The following AFF1 variants were observed in gnomAD, a reference collection of about 807,000 sequenced individuals.
The protein encoded by AFF1 is ALF transcription elongation factor 1.
In AFF1, 48 loss-of-function variants were observed where a neutral mutation model predicts 121.7. The observed-to-expected ratio is 0.39, with a 90% CI of 0.31 to 0.50. The LOEUF (loss-of-function observed/expected upper bound fraction) is 0.50. Among genes scored for constraint, AFF1 ranks in the 20% least tolerant of loss-of-function variants. The pLI, the probability that AFF1 is intolerant of heterozygous loss-of-function variation, is 0.76. For synonymous variants in AFF1, 613 were observed against 563.0 expected (o/e 1.09, Z -1.26); for missense variants, 1,523 against 1,511.7 (o/e 1.01, Z -0.12).
chr4:86,959,945 G>T (rs1560502672), intron 2 of AFF1, among the ~76,000 whole-genome samples: 2 of 152,134 alleles, frequency 1.3e-5, no homozygotes, highest in African/African-American at 4.8e-5. Context: ...CTAACTGGGG[G>T]CCAGGGCCTC....
intron 4 of AFF1, among the ~76,000 whole-genome samples, chr4:87,057,833 G>T (rs1321814771): frequency 6.6e-6 from 1 of 152,086 alleles, no homozygotes; most frequent in Non-Finnish European, 1.5e-5. Context: ...TTCCTTAGGG[G>T]TTATCAAGCT....
At chr4:86,998,840 T>G (rs1725459968) in intron 2 of AFF1, among the ~76,000 whole-genome samples, 1 of 152,154 alleles carries the variant, frequency 6.6e-6, no homozygotes, top group South Asian at 2.1e-4. Flanking sequence ...TAAAGTGAGC[T>G]CTTCCCACTC....
intron 6 of AFF1, among the ~76,000 whole-genome samples, chr4:87,090,778 C>T (rs1342332135): frequency 1.3e-5 from 2 of 151,946 alleles, no homozygotes; most frequent in Non-Finnish European, 2.9e-5. Flanking sequence ...CTTTGGGAGG[C>T]CGAGGTGGGT....
At chr4:87,102,743 A>G (rs1031316298) in intron 8 of AFF1, among the ~76,000 whole-genome samples, 1 of 152,220 alleles carries the variant, frequency 6.6e-6, no homozygotes, top group Non-Finnish European at 1.5e-5. Flanking sequence ...GAAGAAGCAT[A>G]TCCATTGAGC....
At chr4:87,113,988 T>TC (rs1377535377) in intron 11 of AFF1, among the ~76,000 whole-genome samples, 14 of 152,370 alleles carry the variant, frequency 9.2e-5, no homozygotes, top group Admixed American at 1.3e-4. Context: ...CTGCAAATAC[T>TC]TGATGAAATG....
chr4:86,962,670 T>A (rs905689400), intron 2 of AFF1, among the ~76,000 whole-genome samples: 2 of 152,160 alleles, frequency 1.3e-5, no homozygotes, highest in Non-Finnish European at 2.9e-5. Context: ...GCACTGTATG[T>A]GAACTGTATA....
chr4:86,972,187 T>G (rs1722996918), intron 2 of AFF1, among the ~76,000 whole-genome samples: 1 of 150,856 alleles, frequency 6.6e-6, no homozygotes. Context: ...AGCAGGCATT[T>G]TATGCTTAAG....
At chr4:87,052,369 T>C (rs1731353503) in intron 4 of AFF1, among the ~76,000 whole-genome samples, 1 of 152,118 alleles carries the variant, frequency 6.6e-6, no homozygotes, top group Non-Finnish European at 1.5e-5. Flanking sequence ...GTTGAGATAC[T>C]GCCACTGAAC....
chr4:87,116,704 C>T (rs1328844823), intron 12 of AFF1, among the ~76,000 whole-genome samples: 1 of 152,178 alleles, frequency 6.6e-6, no homozygotes, highest in Non-Finnish European at 1.5e-5. Context: ...TGTGTATTGC[C>T]GCCATGTTTG....
chr4:87,003,719 T>C (rs777212187), intron 2 of AFF1, among the ~76,000 whole-genome samples: 24 of 152,212 alleles, frequency 1.6e-4, no homozygotes, highest in Admixed American at 2.0e-4. Flanking sequence ...AATTTGTTTA[T>C]AGCATAAATG....
Position 87,042,369 on chromosome 4 carries a change from G to A in AFF1, c.39-3797G>A, listed in dbSNP as rs1730247566. Among the ~76,000 whole-genome samples the A allele has an allele frequency of 4.6e-5, 7 of 152,178 alleles. No individual in the cohort carries two copies. In the South Asian group the frequency reaches 1.4e-3, roughly 31 times the overall value. On this transcript the variant is annotated intron_variant, in intron 2 of 20. Transcript: ENST00000395146. ...CAATTTAGTTGCAAGGAGAAAGGAG[G>A]CAACCCAGAGCAGGGGCTCAAAGCC...
intron 1 of AFF1, among the ~76,000 whole-genome samples, chr4:86,945,644 G>T (rs940904603): frequency 9.9e-5 from 15 of 151,514 alleles, no homozygotes; most frequent in African/African-American, 3.6e-4. Flanking sequence ...AGGACTACAG[G>T]CATGTGCCAC....
intron 2 of AFF1, among the ~76,000 whole-genome samples, chr4:87,008,499 C>T (rs1239574925): frequency 6.6e-6 from 1 of 152,090 alleles, no homozygotes; most frequent in African/African-American, 2.4e-5. Flanking sequence ...GTGGTTTATC[C>T]TCTGCTTCCA....
At chr4:86,983,516 C>T (rs991169666) in intron 2 of AFF1, among the ~76,000 whole-genome samples, 13 of 150,828 alleles carry the variant, frequency 8.6e-5, no homozygotes, top group Admixed American at 6.6e-4. Flanking sequence ...GCAACAAGAG[C>T]GAGACTGTGT....
chr4:87,006,527 T>G lies in AFF1; in HGVS notation c.39-39639T>G, dbSNP rs1325619227. ...GCGGGCTGTTTTGTAAATATTTGTC[T>G]CTATGTAAGGAAATCAAAACTGAAA... On this transcript the variant is annotated intron_variant, in intron 2 of 20. Coordinates refer to ENST00000395146, the MANE Select transcript of AFF1 (RefSeq NM_001166693.3). 4.6e-5 allele frequency among the ~76,000 whole-genome samples: 7 copies of G among 152,334 alleles called. No individual in the cohort carries two copies. In the East Asian group the frequency reaches 1.3e-3, roughly 29 times the overall value.
intron 2 of AFF1, among the ~76,000 whole-genome samples, chr4:87,037,545 T>A (rs1193744063): frequency 1.3e-5 from 2 of 152,102 alleles, no homozygotes; most frequent in Middle Eastern, 3.2e-3. Context: ...ACTCCTGACC[T>A]CAAGTGATCT....
At chr4:87,000,995 A>G (rs1275725966) in intron 2 of AFF1, among the ~76,000 whole-genome samples, 2 of 150,916 alleles carry the variant, frequency 1.3e-5, no homozygotes, top group African/African-American at 2.5e-5. Flanking sequence ...TCATAATTCT[A>G]ATTTGTATAT....
chr4:87,046,755 G>A lies in AFF1; in HGVS notation c.220G>A (p.Val74Met), dbSNP rs760008798. Residue 74 changes from valine (V) to methionine (M), a missense_variant, in exon 4 of 21, where the codon GTG (valine) becomes ATG (methionine). Val to Met is a conservative substitution (Grantham distance 21). Coordinates refer to ENST00000395146, the MANE Select transcript of AFF1 (RefSeq NM_001166693.3). ...IQNMLGNYEE[V>M]KEFLSTKSHT... The stretch of plus-strand genomic sequence containing the variant: ...GAACATGTTGGGAAACTACGAAGAA[G>A]TGAAGGAGTTCCTTAGTACTAAGTC... 6.2e-7 allele frequency: 1 copy of A among 1,614,056 alleles called. No homozygotes were observed. The highest frequency in any genetic ancestry group is 8.5e-7 in the Non-Finnish European group (1 of 1,180,046).
intron 5 of AFF1, among the ~76,000 whole-genome samples, chr4:87,085,164 ATTCC>A (rs1163264106): frequency 2.0e-5 from 3 of 152,238 alleles, no homozygotes; most frequent in African/African-American, 7.2e-5. Flanking sequence ...AGGATGACAG[ATTCC>A]TTCTAGAACT....
Sources: allele counts gnomAD v4.1 joint callset (sites outside exome capture counted in the v4.1 genomes callset), GRCh38; gene constraint gnomAD v4.1.1; transcripts MANE v1.5; gene names NCBI Gene and HGNC (gene_info 2026-07-23, HGNC 2026-07-21).